Variants in UTS2 observed in about 807,000 individuals in gnomAD.
The protein encoded by UTS2 is urotensin-2.
Under a neutral mutation model 12.6 loss-of-function variants are expected in UTS2, and 10 were observed. The observed-to-expected ratio is 0.80, with a 90% CI of 0.49 to 1.35. The LOEUF (loss-of-function observed/expected upper bound fraction) is 1.35. Among genes scored for constraint, UTS2 ranks in the 40% most tolerant of loss-of-function variants. The probability of loss-of-function intolerance (pLI) is 0.00; values close to 1 mark genes in which losing one functional copy is unlikely to be tolerated. For synonymous variants in UTS2, 52 were observed against 50.0 expected, an observed-to-expected ratio of 1.04 and a Z score of -0.17; for missense variants, 142 against 143.2, an observed-to-expected ratio of 0.99 and a Z score of 0.04.
At position 7,850,835 on chromosome 1, in the gene UTS2, C is replaced by G. The variant is rs1347925625; in HGVS notation, c.191G>C (p.Arg64Thr). Residue 64 changes from arginine to threonine, a missense_variant, in exon 2 of 4, where the codon AGA becomes ACA. Coordinates refer to ENST00000361696, the MANE Select transcript of UTS2 (RefSeq NM_006786.4). The stretch of plus-strand genomic sequence containing the variant: ...ACCTGCTTTCCTGAGAATATCCCCT[C>G]TTTCTGCACCCAGCATCTCTGGCAG... ...QILPEMLGAE[R>T]GDILRKADSS... The G allele has an allele frequency of 1.2e-5, 20 of 1,614,216 alleles. No homozygotes were observed. Among genetic ancestry groups the G allele is most frequent in the Non-Finnish European group, 1.7e-5 (20 of 1,180,046 alleles).
chr1:7,856,609 C>T (rs1320359756), upstream of UTS2, among the ~76,000 whole-genome samples: 1 of 36,224 alleles, frequency 2.8e-5, no homozygotes, highest in East Asian at 3.1e-4. Flanking sequence ...GCAGGAGAGC[C>T]CAGGGCGAGT....
the UTS2 span, among the ~76,000 whole-genome samples, chr1:7,890,654 G>A: frequency 6.6e-6 from 1 of 150,844 alleles, no homozygotes; most frequent in African/African-American, 2.4e-5. Context: ...GATATTAAGA[G>A]GCCAAGGCAG....
the UTS2 span, among the ~76,000 whole-genome samples, chr1:7,869,207 C>A: frequency 2.0e-5 from 3 of 152,206 alleles, no homozygotes; most frequent in Non-Finnish European, 4.4e-5. Context: ...GATGGGCCTG[C>A]AATGGGAACC....
the UTS2 span, among the ~76,000 whole-genome samples, chr1:7,867,901 C>G: frequency 6.6e-6 from 1 of 151,946 alleles, no homozygotes; most frequent in Non-Finnish European, 1.5e-5. Context: ...AATAAATAAA[C>G]CTGGAAAAGT....
the UTS2 span, among the ~76,000 whole-genome samples, chr1:7,902,236 A>T: frequency 3.3e-5 from 5 of 152,242 alleles, no homozygotes; most frequent in African/African-American, 1.2e-4. Flanking sequence ...TCCTTCAGGG[A>T]GAGTTTTGTC....
At chr1:7,862,177 G>C in the UTS2 span, among the ~76,000 whole-genome samples, 1 of 150,482 alleles carries the variant, frequency 6.6e-6, no homozygotes, top group African/African-American at 2.4e-5. Context: ...CCGCAACTTC[G>C]GCCTCCCAAA....
At chr1:7,896,973 C>T in the UTS2 span, among the ~76,000 whole-genome samples, 2 of 151,436 alleles carry the variant, frequency 1.3e-5, no homozygotes, top group Non-Finnish European at 2.9e-5. Context: ...GCTGGGATTA[C>T]AGGCATGAGC....
At chr1:7,877,148 A>AAG in the UTS2 span, among the ~76,000 whole-genome samples, 2 of 103,718 alleles carry the variant, frequency 1.9e-5, 1 homozygote, top group African/African-American at 7.2e-5. Flanking sequence ...AAAAAGAAAA[A>AAG]AAAAAGAAAC....
chr1:7,904,508 C>T, the UTS2 span, among the ~76,000 whole-genome samples: 1 of 151,282 alleles, frequency 6.6e-6, no homozygotes, highest in African/African-American at 2.4e-5. Flanking sequence ...AAAGTAAAGA[C>T]GTGTAGTCAA....
chr1:7,868,701 T>C, the UTS2 span, among the ~76,000 whole-genome samples: 1 of 152,362 alleles, frequency 6.6e-6, no homozygotes, highest in South Asian at 2.1e-4. Context: ...TTAACATTTA[T>C]GAAGGTGTCC....
the UTS2 span, among the ~76,000 whole-genome samples, chr1:7,893,986 G>A: frequency 2.9e-4 from 44 of 152,266 alleles, no homozygotes; most frequent in Admixed American, 2.5e-3. Flanking sequence ...TCTGGCTGCC[G>A]TGCCAAGCTC....
Position 7,850,936 on chromosome 1 carries a change from A to G in UTS2, c.104-14T>C. Reference sequence around the variant, plus strand: ...CTTCATGAGGTGCTACAGAGTAAAAACAGATACTTAGAATTGGGTTCATCC... The same window carrying G: ...CTTCATGAGGTGCTACAGAGTAAAAGCAGATACTTAGAATTGGGTTCATCC... On this transcript the variant is annotated splice_polypyrimidine_tract_variant and intron_variant, in intron 1 of 3. Transcript: ENST00000361696. 1 of 1,613,300 alleles carries G rather than the reference A, an allele frequency of 6.2e-7. No homozygotes were observed. The highest frequency in any genetic ancestry group is 8.5e-7 in the Non-Finnish European group (1 of 1,179,486).
chr1:7,868,830 T>C, the UTS2 span, among the ~76,000 whole-genome samples: 34 of 151,936 alleles, frequency 2.2e-4, no homozygotes, highest in Non-Finnish European at 2.9e-4. Flanking sequence ...TGGGAGGTGA[T>C]TGGAGGTAGA....
At chr1:7,878,547 C>T in the UTS2 span, among the ~76,000 whole-genome samples, 4 of 151,800 alleles carry the variant, frequency 2.6e-5, no homozygotes, top group Non-Finnish European at 5.9e-5. Context: ...TAATAATAAC[C>T]TTGAGTTTAA....
chr1:7,878,837 C>A, the UTS2 span, among the ~76,000 whole-genome samples: 1 of 152,188 alleles, frequency 6.6e-6, no homozygotes. Context: ...ATATTCCCTG[C>A]AAATGGAAAC....
chr1:7,873,172 C>T, the UTS2 span, among the ~76,000 whole-genome samples: 26 of 152,170 alleles, frequency 1.7e-4, no homozygotes, highest in Admixed American at 6.5e-4. Context: ...TATTATTGCT[C>T]GCAAACAGTG....
chr1:7,860,667 C>T, the UTS2 span, among the ~76,000 whole-genome samples: 1 of 150,604 alleles, frequency 6.6e-6, no homozygotes, highest in Non-Finnish European at 1.5e-5. Context: ...ATGCCTGGCT[C>T]AAGCCATCCT....
At chr1:7,901,752 T>C in the UTS2 span, among the ~76,000 whole-genome samples, 1 of 152,024 alleles carries the variant, frequency 6.6e-6, no homozygotes, top group Non-Finnish European at 1.5e-5. Flanking sequence ...GTGGAGGAGA[T>C]GGTTCAATCC....
intron 1 of UTS2, among the ~76,000 whole-genome samples, chr1:7,852,390 G>C (rs1411331358): frequency 1.3e-5 from 2 of 152,022 alleles, no homozygotes; most frequent in African/African-American, 4.8e-5. Context: ...AATATACTTG[G>C]AAGTCTATGA....
Sources: gnomAD v4.1 joint callset for allele counts (sites outside exome capture counted in the v4.1 genomes callset) on GRCh38, gnomAD v4.1.1 for gene constraint, MANE v1.5 for transcripts, NCBI Gene and HGNC (gene_info 2026-07-23, HGNC 2026-07-21) for gene names.